OXNAD1: variants seen among roughly 807,000 people sequenced by gnomAD.
The protein encoded by OXNAD1 is oxidoreductase NAD binding domain containing 1, also known as oxidoreductase NAD-binding domain-containing protein 1.
OXNAD1 carries 34 observed loss-of-function variants against 32.9 expected under a neutral mutation model. That is an observed-to-expected ratio of 1.03 (90% CI 0.79 to 1.38). The LOEUF (loss-of-function observed/expected upper bound fraction) is 1.38. Ranked by LOEUF, OXNAD1 falls within the 40% of genes most tolerant of loss-of-function variation. The probability of loss-of-function intolerance (pLI) is 0.00; values close to 1 mark genes in which losing one functional copy is unlikely to be tolerated. For missense variants in OXNAD1, 407 were observed against 379.4 expected (o/e 1.07, Z -0.60); for synonymous variants, 134 against 135.2 (o/e 0.99, Z 0.06).
chr3:16,324,713 T>TTATA (rs10677895), intron 9 of OXNAD1, among the ~76,000 whole-genome samples: 1 of 144,608 alleles, frequency 6.9e-6, no homozygotes. Context: ...CACATTTTCT[T>TTATA]CATCCATCTG....
chr3:16,283,396 C>G (rs1396950429), intron 4 of OXNAD1, among the ~76,000 whole-genome samples: 1 of 152,152 alleles, frequency 6.6e-6, no homozygotes, highest in Non-Finnish European at 1.5e-5. Context: ...ATCCGCAATT[C>G]CTAGCTAGGT....
At chr3:16,293,412 C>A (rs1316426326) in intron 5 of OXNAD1, among the ~76,000 whole-genome samples, 1 of 152,120 alleles carries the variant, frequency 6.6e-6, no homozygotes, top group Non-Finnish European at 1.5e-5. Context: ...GTTCTAATAT[C>A]TTTTTAGTGA....
chr3:16,321,666 TAC>T lies in OXNAD1; in HGVS notation c.*31-15444_*31-15443del, dbSNP rs2069074637. Among the ~76,000 whole-genome samples the T allele has an allele frequency of 6.6e-6, 1 of 152,084 alleles. No individual in the cohort carries two copies. The highest frequency in any genetic ancestry group is 2.4e-5 in the African/African-American group (1 of 41,378). On this transcript the variant is annotated intron_variant, in intron 9 of 9. Coordinates refer to the OXNAD1 transcript ENST00000435829. The surrounding 1 kb of genome is among the most constrained non-coding windows in gnomAD (Gnocchi z 4.8). ...GAACAAGTGCTCCACACCAGTCACC[TAC>T]AGTCTTGGAATGAGGCAGGAAATAA...
chr3:16,313,205 A>ATTTTTTTT (rs750491540), intron 9 of OXNAD1, among the ~76,000 whole-genome samples: 14 of 103,804 alleles, frequency 1.3e-4, no homozygotes, highest in African/African-American at 2.6e-4. Flanking sequence ...CACCCAGCGG[A>ATTTTTTTT]TTTTTTTTTT....
chr3:16,293,388 A>G (rs1356063577), intron 5 of OXNAD1, among the ~76,000 whole-genome samples: 3 of 152,148 alleles, frequency 2.0e-5, no homozygotes, highest in Non-Finnish European at 4.4e-5. Flanking sequence ...CTGCAAACTT[A>G]TTTGAATTTA....
intron 4 of OXNAD1, among the ~76,000 whole-genome samples, chr3:16,279,446 T>G (rs907047141): frequency 1.2e-4 from 19 of 152,094 alleles, no homozygotes; most frequent in African/African-American, 4.1e-4. Flanking sequence ...GAGTTCCCTG[T>G]TGGCTGTGTT....
At chr3:16,268,433 G>A (rs1376957534) in intron 1 of OXNAD1, among the ~76,000 whole-genome samples, 3 of 140,100 alleles carry the variant, frequency 2.1e-5, no homozygotes, top group Non-Finnish European at 4.5e-5. Flanking sequence ...AGGTTCAAGC[G>A]ATTCTCTTGC....
rs1387871872 is a variant in OXNAD1, at chr3:16,289,475, A to G, written c.290+3027A>G. ...ACAAGATAACATAAGTTTAGATGCT[A>G]GAAAGCAACTTTGAGCCCTGCTGAG... On this transcript the variant is annotated intron_variant, in intron 5 of 8. Transcript: ENST00000285083. This position sits in a 1 kb window ranked among gnomAD's most constrained non-coding sequence, Gnocchi z 4.9. Among the ~76,000 whole-genome samples, 2 of 152,204 alleles carry G rather than the reference A, an allele frequency of 1.3e-5. No individual in the cohort carries two copies. The highest frequency in any genetic ancestry group is 2.9e-5 in the Non-Finnish European group (2 of 68,018).
chr3:16,336,693 A>G lies in OXNAD1; in HGVS notation c.*31-419A>G, dbSNP rs766654435. ...TTTTTTTTAAAAAAGCTTAGTTCTT[A>G]GATGCAGAAAAGGGTCAGAGGAAAA... On this transcript the variant is annotated intron_variant, in intron 9 of 9. Coordinates refer to the OXNAD1 transcript ENST00000435829. This position sits in a 1 kb window ranked among gnomAD's most constrained non-coding sequence, Gnocchi z 6.0. 1.3e-5 allele frequency among the ~76,000 whole-genome samples: 2 copies of G among 152,080 alleles called. No homozygotes were observed. The highest frequency in any genetic ancestry group is 2.9e-5 in the Non-Finnish European group (2 of 67,990).
At chr3:16,351,419 A>G (rs1181886614), downstream of OXNAD1, among the ~76,000 whole-genome samples, 1 of 152,236 alleles carries the variant, frequency 6.6e-6, no homozygotes, top group Non-Finnish European at 1.5e-5. This position sits in a 1 kb window ranked among gnomAD's most constrained non-coding sequence, Gnocchi z 5.4. Context: ...GCAGAAGCGA[A>G]TAGTATGAAA....
At position 16,297,349 on chromosome 3, in the gene OXNAD1, G is replaced by A. The variant is rs1332622040; in HGVS notation, c.432+2352G>A. ...AAAAATATTGACAATACCAAGCGTT[G>A]GCAAGGATGTGGAGCAACTGGAACT... On this transcript the variant is annotated intron_variant, in intron 6 of 8. Transcript: ENST00000285083. The surrounding 1 kb of genome is among the most constrained non-coding windows in gnomAD (Gnocchi z 4.3). Among the ~76,000 whole-genome samples, 1 of 152,118 alleles carries A rather than the reference G, an allele frequency of 6.6e-6. No homozygotes were observed. Among genetic ancestry groups the A allele is most frequent in the Non-Finnish European group, 1.5e-5 (1 of 68,012 alleles).
Position 16,329,705 on chromosome 3 carries a change from C to G in OXNAD1, c.*31-7407C>G, listed in dbSNP as rs1237875426. On this transcript the variant is annotated intron_variant, in intron 9 of 9. Coordinates refer to the OXNAD1 transcript ENST00000435829. This position sits in a 1 kb window ranked among gnomAD's most constrained non-coding sequence, Gnocchi z 4.5. ...AGAGGAGGAAAACCAATTTTAAATC[C>G]ACACTCTCAAGCTTTGCGAGGTTAT... 6.6e-6 allele frequency among the ~76,000 whole-genome samples: 1 copy of G among 152,098 alleles called. No homozygotes were observed. Among genetic ancestry groups the G allele is most frequent in the Non-Finnish European group, 1.5e-5 (1 of 68,008 alleles).
chr3:16,308,254 T>C (rs370877976), downstream of OXNAD1, among the ~76,000 whole-genome samples: 1 of 152,304 alleles, frequency 6.6e-6, no homozygotes, highest in South Asian at 2.1e-4. The surrounding 1 kb of genome is among the most constrained non-coding windows in gnomAD (Gnocchi z 4.4). Context: ...CCTATCACTG[T>C]TTGAAAGAGA....
intron 2 of OXNAD1, among the ~76,000 whole-genome samples, chr3:16,270,435 G>A (rs976875675): frequency 6.6e-6 from 1 of 152,026 alleles, no homozygotes; most frequent in Non-Finnish European, 1.5e-5. Context: ...AATGGCATTT[G>A]GATAGTTTCC....
rs561838364 is a variant in OXNAD1, at chr3:16,277,086, G to A, written c.183+5364G>A. ...ATTACAGGCGCCTGCCACCATGCCC[G>A]GCTAACTTTTTTTTGTATTTTTAGT... On this transcript the variant is annotated intron_variant, in intron 4 of 8. Coordinates refer to ENST00000285083, the MANE Select transcript of OXNAD1 (RefSeq NM_138381.5). This position sits in a 1 kb window ranked among gnomAD's most constrained non-coding sequence, Gnocchi z 4.3. Among the ~76,000 whole-genome samples, 4 of 152,028 alleles carry A rather than the reference G, an allele frequency of 2.6e-5. No homozygotes were observed. Among genetic ancestry groups the A allele is most frequent in the East Asian group, 1.9e-4 (1 of 5,172 alleles).
rs1009829579 is a variant in OXNAD1, at chr3:16,329,651, GC to G, written c.*31-7456del. ...AGGCTGCTTTATCCTGAGAATCCCT[GC>G]CCCCATCCCCGTATTCCCAGTTTAA... is the stretch of plus-strand genomic sequence containing the variant. On this transcript the variant is annotated intron_variant, in intron 9 of 9. Transcript: ENST00000435829. This position sits in a 1 kb window ranked among gnomAD's most constrained non-coding sequence, Gnocchi z 4.5. Among the ~76,000 whole-genome samples the G allele has an allele frequency of 6.6e-6, 1 of 152,118 alleles. No homozygotes were observed. The highest frequency in any genetic ancestry group is 1.5e-5 in the Non-Finnish European group (1 of 68,010).
At chr3:16,283,398 T>C (rs910097765) in intron 4 of OXNAD1, among the ~76,000 whole-genome samples, 1 of 152,222 alleles carries the variant, frequency 6.6e-6, no homozygotes, top group Non-Finnish European at 1.5e-5. Flanking sequence ...CCGCAATTCC[T>C]AGCTAGGTGA....
downstream of OXNAD1, among the ~76,000 whole-genome samples, chr3:16,309,433 TTAAG>T (rs139447666): frequency 1.3e-3 from 192 of 149,112 alleles, no homozygotes; most frequent in African/African-American, 4.4e-3. Flanking sequence ...AGTCTCATAC[TTAAG>T]TATTTTTTTT....
rs2064462614 is a variant in OXNAD1 at position 16,265,915 on chromosome 3, G to A, written c.-159+410G>A. The A allele has an allele frequency of 1.0e-6, 1 of 984,396 alleles. No individual in the cohort carries two copies. The highest frequency in any genetic ancestry group is 1.2e-6 in the Non-Finnish European group (1 of 828,956). The allele number at this position is 984,396 out of a possible 1,614,324, so 61.0% of individuals were successfully genotyped here. Reference sequence around the variant, plus strand: ...ATGGTGTCAGTAGGCAGGTTTATCAGTGTGAGGCCTATGTATGCCTTGAAG... The same window carrying A: ...ATGGTGTCAGTAGGCAGGTTTATCAATGTGAGGCCTATGTATGCCTTGAAG... On this transcript the variant is annotated intron_variant, in intron 1 of 8. Transcript: ENST00000285083. This position sits in a 1 kb window ranked among gnomAD's most constrained non-coding sequence, Gnocchi z 4.8.
Sources: allele counts gnomAD v4.1 joint callset (sites outside exome capture counted in the v4.1 genomes callset), GRCh38; gene constraint gnomAD v4.1.1; non-coding constraint Gnocchi (gnomAD v3.1); transcripts MANE v1.5; gene names NCBI Gene and HGNC (gene_info 2026-07-23, HGNC 2026-07-21).